The following MAN2B1 variants were observed in gnomAD, a reference collection of about 807,000 sequenced individuals.
The protein encoded by MAN2B1 is mannosidase alpha class 2B member 1, also known as lysosomal alpha-mannosidase.
In MAN2B1, 99 loss-of-function variants were observed where a neutral mutation model predicts 127.5. That is an observed-to-expected ratio of 0.78 (90% CI 0.66 to 0.92). The LOEUF is 0.92. MAN2B1 is among the 40% of genes least tolerant of loss of function. The pLI is 0.00. For missense variants in MAN2B1, 1,304 were observed against 1,384.8 expected (o/e 0.94, Z 0.93); for synonymous variants, 573 against 568.8 (o/e 1.01, Z -0.11).
Position 12,665,454 on chromosome 19 carries a change from G to A in MAN2B1, c.334C>T (p.Pro112Ser), listed in dbSNP as rs1312728452. The A allele has an allele frequency of 2.5e-6, 4 of 1,613,980 alleles. No individual in the cohort carries two copies. The African/African-American group carries it at 4.0e-5, about 16-fold the overall frequency. ...TCCACGTAAATGAAGCGACGGGTGGGATCTGCCAGCAAGGCAGAGATGACC... is the reference window on the plus strand; with the variant it reads ...TCCACGTAAATGAAGCGACGGGTGGAATCTGCCAGCAAGGCAGAGATGACC... ...DSVISALLAD[P>S]TRRFIYVEIA... is the part of the protein sequence containing the mutation. Residue 112 changes from proline to serine, a missense_variant, in exon 3 of 24, where the codon CCC becomes TCC. By Grantham distance (74) the Pro-to-Ser change is moderately conservative. Transcript: ENST00000456935.
Position 12,655,860 on chromosome 19 carries a change from G to A in MAN2B1, c.1664C>T (p.Ser555Leu), listed in dbSNP as rs376719984. ...CTCCGGAGGGTGCGCCTGGCTGTCT[G>A]AGCTGGGAAATATTACCACCTCGGA... ...VPSDVVIFPS[S>L]DSQAHPPELL... The change falls in exon 14 of 24, where the codon TCA (serine) becomes TTA (leucine). Residue 555 changes from serine (S) to leucine (L), a missense_variant. Transcript: ENST00000456935. 3 of 1,613,748 alleles carry A rather than the reference G, an allele frequency of 1.9e-6. No individual in the cohort carries two copies. The highest frequency in any genetic ancestry group is 2.5e-6 in the Non-Finnish European group (3 of 1,180,002).
rs59357922 is a variant in MAN2B1 at position 12,655,780 on chromosome 19, G to C, written c.1744C>G (p.Gln582Glu). 2,193 of 1,610,168 alleles carry C rather than the reference G, an allele frequency of 1.4e-3. 29 individuals carry two copies. The African/African-American group carries it at 0.027, about 19-fold the overall frequency. ...ALGFSTYSVAQVPRWKPQARA... is the reference protein window; with the variant it reads ...ALGFSTYSVAEVPRWKPQARA... Reference sequence around the variant, plus strand: ...GCCTGGGGCTTCCAGCGAGGCACCTGGGCTACTGAATAGGTGCTGAAGCCC... The same window carrying C: ...GCCTGGGGCTTCCAGCGAGGCACCTCGGCTACTGAATAGGTGCTGAAGCCC... The change falls in exon 14 of 24, where the codon CAG (glutamine) becomes GAG (glutamate). Residue 582 changes from glutamine to glutamate, a missense_variant. Coordinates refer to ENST00000456935, the MANE Select transcript of MAN2B1 (RefSeq NM_000528.4).
chr19:12,665,256 C>G, intron 3 of MAN2B1, 96 bp downstream of exon 3: 1 of 1,471,822 alleles, frequency 6.8e-7, no homozygotes, highest in Non-Finnish European at 9.4e-7. Context: ...GCATGTTATA[C>G]AGCTTGCACG....
At chr19:12,660,957 C>A (rs1599354560) in intron 7 of MAN2B1, 1 of 358,338 alleles carries the variant, frequency 2.8e-6, no homozygotes. Flanking sequence ...CAGCGTTTCA[C>A]CATGTTGGTC....
intron 23 of MAN2B1, 35 bp from the exon 24 acceptor site, chr19:12,646,767 G>A (rs777682798): frequency 1.4e-6 from 2 of 1,458,162 alleles, no homozygotes; most frequent in African/African-American, 1.4e-5. Flanking sequence ...GAGTGAGGAG[G>A]TGCAGACTTC....
At position 12,648,197 on chromosome 19, in the gene MAN2B1, A is replaced by T; in HGVS notation, c.2642T>A (p.Leu881His). ...CACCTGCGTGCGCGGAGGAGCCCCG[A>T]GATTGTAGGCGGCGCCGCCACCCGG... is the stretch of plus-strand genomic sequence containing the variant. ...LAPGGGAAYN[L>H]GAPPRTQFSG... The change falls in exon 21 of 24, where the codon CTC (leucine) becomes CAC (histidine). Residue 881 changes from leucine (L) to histidine (H), a missense_variant. Transcript: ENST00000456935. 1 of 1,546,904 alleles carries T rather than the reference A, an allele frequency of 6.5e-7. No individual in the cohort carries two copies. Among genetic ancestry groups the T allele is most frequent in the Non-Finnish European group, 8.7e-7 (1 of 1,152,234 alleles).
Position 12,647,299 on chromosome 19 carries a change from C to T in MAN2B1, c.2857G>A (p.Glu953Lys). 4 of 1,614,130 alleles carry T rather than the reference C, an allele frequency of 2.5e-6. No individual in the cohort carries two copies. The highest frequency in any genetic ancestry group is 2.5e-6 in the Non-Finnish European group (3 of 1,180,030). The stretch of plus-strand genomic sequence containing the variant: ...AGCTGGTTGGCCACCAGCGTGGTCT[C>T]CTGCAGGCGGGTGATGGTGAAGGTG... Reference protein sequence around the residue: ...FSTFTITRLQETTLVANQLRE... With the variant: ...FSTFTITRLQKTTLVANQLRE... The change falls in exon 23 of 24, where the codon GAG becomes AAG. Residue 953 changes from glutamate (E) to lysine (K), a missense_variant. Transcript: ENST00000456935. This position sits in a 1 kb window ranked among gnomAD's most constrained non-coding sequence, Gnocchi z 4.9.
Position 12,666,655 on chromosome 19 carries a change from A to T in MAN2B1, c.47T>A (p.Leu16Gln). Residue 16 changes from leucine (L) to glutamine (Q), a missense_variant, in exon 1 of 24, where the codon CTG (leucine) becomes CAG (glutamine). Leu to Gln is a moderately radical substitution (Grantham distance 113). Coordinates refer to ENST00000456935, the MANE Select transcript of MAN2B1 (RefSeq NM_000528.4). ...CATGGTCCAGGGGCCTGCTGAGTCC[A>T]GGCAGCCGCGAGCGCAGACCCCCGA... ...RASGVCARGC[L>Q]DSAGPWTMSR... The T allele has an allele frequency of 6.4e-7, 1 of 1,552,896 alleles. No individual in the cohort carries two copies. The highest frequency in any genetic ancestry group is 1.7e-4 in the Middle Eastern group (1 of 5,784).
At chr19:12,650,358 T>A in intron 16 of MAN2B1, 136 bp from the exon 17 acceptor site, 10 of 69,498 alleles carry the variant, frequency 1.4e-4, no homozygotes, top group Non-Finnish European at 2.6e-4. Flanking sequence ...CACATAATTC[T>A]TTTTTTTTTT....
At position 12,649,114 on chromosome 19, in the gene MAN2B1, G is replaced by C. The variant is rs1416716915; in HGVS notation, c.2436+22C>G. 4 of 1,607,378 alleles carry C rather than the reference G, an allele frequency of 2.5e-6. No homozygotes were observed. In the African/African-American group the frequency reaches 5.4e-5, roughly 22 times the overall value. On this transcript the variant is annotated intron_variant, in intron 20 of 23. Transcript: ENST00000456935. ...TCCAGGTTGGGAGGACCCTGGCTCG[G>C]ATGGGGCTCTGACCCACTCACCATG...
intron 12 of MAN2B1, 64 bp downstream of exon 12, chr19:12,656,885 C>T: frequency 7.3e-7 from 1 of 1,362,004 alleles, no homozygotes; most frequent in Non-Finnish European, 1.0e-6. Context: ...CCTCCAAAAA[C>T]ATTTTCCAAC....
chr19:12,654,698 A>G (rs2023917984), intron 14 of MAN2B1, among the ~76,000 whole-genome samples: 1 of 152,082 alleles, frequency 6.6e-6, no homozygotes, highest in African/African-American at 2.4e-5. Flanking sequence ...TTATTGAGAC[A>G]GGGTCTCACT....
chr19:12,657,271 C>T (rs760289427), intron 11 of MAN2B1, 175 bp downstream of exon 11: 8 of 720,246 alleles, frequency 1.1e-5, no homozygotes, highest in South Asian at 1.0e-4. Flanking sequence ...TCCAAAGCCC[C>T]GCCCCGTTCC....
In MAN2B1 at chr19:12,655,745, T is replaced by C. The variant is rs146778702; in HGVS notation, c.1779A>G (p.Pro593=). The change falls in exon 14 of 24, where the codon CCA becomes CCG. Residue 593 remains proline (P), a synonymous_variant. Transcript: ENST00000456935. ...ACCAGGATCTTCTGGGGATGGGCTG[T>C]GGTGCGCGGGCCTGGGGCTTCCAGC... ...VPRWKPQARA[P]QPIPRRSWSP... 38 of 1,609,326 alleles carry C rather than the reference T, an allele frequency of 2.4e-5. No homozygotes were observed. In the East Asian group the frequency reaches 6.3e-4, roughly 27 times the overall value.
chr19:12,649,779 G>T, intron 18 of MAN2B1, 134 bp downstream of exon 18: 2 of 796,626 alleles, frequency 2.5e-6, no homozygotes, highest in South Asian at 1.5e-5. Context: ...ACTGCACCCT[G>T]CCTGGCTCCC....
At chr19:12,648,632 G>C (rs752162632) in intron 20 of MAN2B1, among the ~76,000 whole-genome samples, 28 of 152,206 alleles carry the variant, frequency 1.8e-4, no homozygotes, top group Non-Finnish European at 3.5e-4. Context: ...CCTGGATATG[G>C]CACGCCAGAG....
chr19:12,663,259 GGAAAGAGCTCAT>G, intron 6 of MAN2B1, 46 bp downstream of exon 6: 1 of 1,597,948 alleles, frequency 6.3e-7, no homozygotes, highest in South Asian at 1.1e-5. Context: ...CCTGTACCAT[GGAAAGAGCTCAT>G]TGTATTGTAT....
chr19:12,656,033 G>T (rs2023946155), intron 13 of MAN2B1, 154 bp from the exon 14 acceptor site: 3 of 623,210 alleles, frequency 4.8e-6, no homozygotes, highest in Admixed American at 5.3e-5. Context: ...CCAAGGAAAT[G>T]ATTGCAGAGA....
intron 14 of MAN2B1, among the ~76,000 whole-genome samples, chr19:12,653,669 C>T (rs1182552208): frequency 6.6e-6 from 1 of 152,014 alleles, no homozygotes; most frequent in Non-Finnish European, 1.5e-5. Flanking sequence ...GGGCTAGTGT[C>T]CAACTCCTGG....
Sources: gnomAD v4.1 joint callset for allele counts (sites outside exome capture counted in the v4.1 genomes callset) on GRCh38, gnomAD v4.1.1 for gene constraint, Gnocchi (gnomAD v3.1) non-coding constraint, MANE v1.5 for transcripts, NCBI Gene and HGNC (gene_info 2026-07-23, HGNC 2026-07-21) for gene names.